Variants in PRIMA1 observed in about 807,000 individuals in gnomAD.
PRIMA1 encodes proline rich membrane anchor 1.
In PRIMA1, 7 loss-of-function variants were observed where a neutral mutation model predicts 17.5. That is an observed-to-expected ratio of 0.40 (90% CI 0.23 to 0.75). The LOEUF is 0.75. Among genes scored for constraint, PRIMA1 ranks in the 30% least tolerant of loss-of-function variants. The pLI, the probability that PRIMA1 is intolerant of heterozygous loss-of-function variation, is 0.37. For missense variants in PRIMA1, 200 were observed against 201.8 expected, an observed-to-expected ratio of 0.99 and a Z score of 0.05; for synonymous variants, 97 against 77.9, an observed-to-expected ratio of 1.25 and a Z score of -1.29.
chr14:93,728,211 G>A (rs1391105216), intron 4 of PRIMA1, among the ~76,000 whole-genome samples: 3 of 152,218 alleles, frequency 2.0e-5, no homozygotes. Flanking sequence ...GACTCATATG[G>A]CCCAAGGACA....
At chr14:93,747,368 G>A (rs1320769901) in intron 3 of PRIMA1, among the ~76,000 whole-genome samples, 2 of 152,180 alleles carry the variant, frequency 1.3e-5, no homozygotes, top group African/African-American at 4.8e-5. Context: ...GTGGTTTGGC[G>A]GGAGTGGAGG....
chr14:93,731,672 C>T lies in PRIMA1; in HGVS notation c.359+5569G>A, dbSNP rs1485233277. On this transcript the variant is annotated intron_variant, in intron 4 of 4. Transcript: ENST00000393140. ...CCTGTATTTTTTTTCTCTTCATAGTCTTTAAGATCACCTCATTTATTAATT... is the reference window on the plus strand; with the variant it reads ...CCTGTATTTTTTTTCTCTTCATAGTTTTTAAGATCACCTCATTTATTAATT... 2.0e-5 allele frequency among the ~76,000 whole-genome samples: 3 copies of T among 152,146 alleles called. No individual in the cohort carries two copies. The South Asian group carries it at 6.3e-4, about 32-fold the overall frequency.
At chr14:93,749,094 T>C (rs889427058) in intron 3 of PRIMA1, among the ~76,000 whole-genome samples, 1 of 152,198 alleles carries the variant, frequency 6.6e-6, no homozygotes, top group Non-Finnish European at 1.5e-5. Flanking sequence ...CTCAACAGCA[T>C]CTACTCTCTT....
chr14:93,763,259 G>A (rs1381660092), intron 3 of PRIMA1, among the ~76,000 whole-genome samples: 1 of 152,170 alleles, frequency 6.6e-6, no homozygotes, highest in East Asian at 1.9e-4. Flanking sequence ...TCAGCTTCCG[G>A]CATCCCGGGG....
intron 4 of PRIMA1, among the ~76,000 whole-genome samples, chr14:93,736,278 C>T (rs1436082400): frequency 6.6e-6 from 1 of 152,194 alleles, no homozygotes; most frequent in Non-Finnish European, 1.5e-5. Context: ...CATTGCTCAC[C>T]AGTTGTGCCA....
At position 93,764,723 on chromosome 14, in the gene PRIMA1, T is replaced by G. The variant is rs183602970; in HGVS notation, c.229+14453A>C. ...CACTTTTTTGAGTGGGAGAGAGAGG[T>G]GTGGACTCCTAGCTAGAGCCGCAGA... On this transcript the variant is annotated intron_variant, in intron 3 of 4. Coordinates refer to ENST00000393140, the MANE Select transcript of PRIMA1 (RefSeq NM_178013.4). Among the ~76,000 whole-genome samples, 12 of 152,084 alleles carry G rather than the reference T, an allele frequency of 7.9e-5. No individual in the cohort carries two copies. In the East Asian group the frequency reaches 2.3e-3, roughly 30 times the overall value.
intron 3 of PRIMA1, among the ~76,000 whole-genome samples, chr14:93,760,476 T>A (rs1267666775): frequency 6.6e-6 from 1 of 151,968 alleles, no homozygotes; most frequent in African/African-American, 2.4e-5. Context: ...CCCCTCCCTA[T>A]TCTGCTCTTC....
At position 93,779,225 on chromosome 14, in the gene PRIMA1, C is replaced by CG; in HGVS notation, c.179_180insC (p.Pro61AlafsTer26). On this transcript the variant is annotated frameshift_variant, in exon 3 of 5. Transcript: ENST00000393140. LOFTEE classifies it high-confidence loss of function. ...GTGGCGGGGGTGGGGGCGGCGGGGG[C>CG]AGCGGGGGAGGGGGCCGGCACTGGC... 3.8e-6 allele frequency: 2 copies of CG among 532,662 alleles called. No homozygotes were observed. Among genetic ancestry groups the CG allele is most frequent in the South Asian group, 3.2e-5 (1 of 31,472 alleles). 33.0% of individuals were successfully genotyped at this position (532,662 alleles called of 1,614,324 possible).
intron 3 of PRIMA1, among the ~76,000 whole-genome samples, chr14:93,749,998 T>C (rs571502300): frequency 1.3e-5 from 2 of 152,272 alleles, no homozygotes; most frequent in Admixed American, 6.5e-5. Context: ...CTAGCTAATA[T>C]GGTGAAACCC....
chr14:93,734,757 G>T, intron 4 of PRIMA1, among the ~76,000 whole-genome samples: 1 of 119,924 alleles, frequency 8.3e-6, no homozygotes, highest in African/African-American at 2.9e-5. Context: ...CCCCGCCCCT[G>T]CCCCTGGAAG....
chr14:93,719,845 A>T lies in PRIMA1; in HGVS notation c.*1599T>A, dbSNP rs1041641340. The T allele has an allele frequency of 6.6e-6, 1 of 152,318 alleles. No homozygotes were observed. The highest frequency in any genetic ancestry group is 2.4e-5 in the African/African-American group (1 of 41,452). The allele number at this position is 152,318 out of a possible 1,614,324, so 9.4% of individuals were successfully genotyped here. On this transcript the variant is annotated 3_prime_UTR_variant, in exon 5 of 5. Transcript: ENST00000393140. ...AATGAGGAAAGAAGAAAACCCCTTT[A>T]TGGGAGGGTATGCCCTGGGCCTGTC...
rs114302970 is a variant in PRIMA1, at chr14:93,746,874, C to T, written c.230-9504G>A. Among the ~76,000 whole-genome samples the T allele has an allele frequency of 4.1e-3, 631 of 152,128 alleles. 4 individuals are homozygous for T. Among genetic ancestry groups the T allele is most frequent in the African/African-American group, 0.015 (607 of 41,502 alleles). On this transcript the variant is annotated intron_variant, in intron 3 of 4. Transcript: ENST00000393140. ...ATGACTCTGAGGGTTTGGGGCTGTG[C>T]TTGTGGGAGGAGGAAGCTGTCACCA...
At position 93,740,016 on chromosome 14, in the gene PRIMA1, G is replaced by C. The variant is rs1172688519; in HGVS notation, c.230-2646C>G. The stretch of plus-strand genomic sequence containing the variant: ...GGAGGTGGAGGTTGCAGTGAGCTAA[G>C]ATTGTGCCATTGCACTCCAGCCTGG... On this transcript the variant is annotated intron_variant, in intron 3 of 4. Transcript: ENST00000393140. 6.6e-5 allele frequency among the ~76,000 whole-genome samples: 10 copies of C among 151,844 alleles called. No individual in the cohort carries two copies. In the East Asian group the frequency reaches 1.7e-3, roughly 26 times the overall value.
chr14:93,784,374 T>C (rs1288577478), intron 2 of PRIMA1, among the ~76,000 whole-genome samples: 1 of 152,162 alleles, frequency 6.6e-6, no homozygotes, highest in Admixed American at 6.5e-5. Flanking sequence ...TGCTGTGTTG[T>C]CCAGGCTGGT....
intron 3 of PRIMA1, among the ~76,000 whole-genome samples, chr14:93,768,906 A>T (rs1404506491): frequency 6.6e-6 from 1 of 151,774 alleles, no homozygotes; most frequent in East Asian, 1.9e-4. Flanking sequence ...CCAGGGTTCA[A>T]GCGATTCTCC....
At chr14:93,762,979 C>A (rs1884777629) in intron 3 of PRIMA1, among the ~76,000 whole-genome samples, 1 of 152,174 alleles carries the variant, frequency 6.6e-6, no homozygotes, top group African/African-American at 2.4e-5. Flanking sequence ...CAAATGCCAC[C>A]TTCTCTTCAG....
At chr14:93,778,576 G>C (rs567795711) in intron 3 of PRIMA1, among the ~76,000 whole-genome samples, 6 of 152,342 alleles carry the variant, frequency 3.9e-5, no homozygotes, top group African/African-American at 1.4e-4. Flanking sequence ...TTATCAAGTA[G>C]CAATTGTAAA....
intron 3 of PRIMA1, among the ~76,000 whole-genome samples, chr14:93,759,965 G>A (rs2076316927): frequency 6.6e-6 from 1 of 152,260 alleles, no homozygotes; most frequent in South Asian, 2.1e-4. Flanking sequence ...AGGGGCCGAA[G>A]GGCAGCACAG....
chr14:93,757,819 G>A (rs765712672), intron 3 of PRIMA1, among the ~76,000 whole-genome samples: 8 of 152,208 alleles, frequency 5.3e-5, no homozygotes, highest in Non-Finnish European at 7.3e-5. Flanking sequence ...AATGCCATTC[G>A]ATTCTGCTAT....
Sources: gnomAD v4.1 joint callset for allele counts (sites outside exome capture counted in the v4.1 genomes callset) on GRCh38, gnomAD v4.1.1 for gene constraint, MANE v1.5 for transcripts, NCBI Gene and HGNC (gene_info 2026-07-23, HGNC 2026-07-21) for gene names.